The following NFIX variants were observed in gnomAD, a reference collection of about 807,000 sequenced individuals.
NFIX encodes nuclear factor 1 X-type.
NFIX carries 2 observed loss-of-function variants against 53.3 expected under a neutral mutation model. The observed-to-expected ratio is 0.04, with a 90% CI of 0.02 to 0.12. NFIX has a LOEUF of 0.12. Among genes scored for constraint, NFIX ranks in the 10% least tolerant of loss-of-function variants. The pLI, the probability that NFIX is intolerant of heterozygous loss-of-function variation, is 1.00. For synonymous variants in NFIX, 244 were observed against 289.0 expected, an observed-to-expected ratio of 0.84 and a Z score of 1.58; for missense variants, 310 against 674.5, an observed-to-expected ratio of 0.46 and a Z score of 5.99.
Position 13,081,605 on chromosome 19 carries a change from C to T in NFIX, c.1079-75C>T. The T allele has an allele frequency of 8.7e-6, 13 of 1,490,868 alleles. No homozygotes were observed. The highest frequency in any genetic ancestry group is 1.2e-5 in the Non-Finnish European group (13 of 1,101,356). The allele number at this position is 1,490,868 out of a possible 1,614,324, so 92.4% of individuals were successfully genotyped here. A position where few individuals can be genotyped will look rare whatever the true frequency, so the allele number is the denominator to read the frequency against. ...CTCAGGACCCTCTGACCGGCAGCTC[C>T]CCTCCTCTCCTGTCCCTCCCACTGG... On this transcript the variant is annotated intron_variant, in intron 7 of 10. Coordinates refer to ENST00000592199, the MANE Select transcript of NFIX (RefSeq NM_001365902.3). The surrounding 1 kb of genome is among the most constrained non-coding windows in gnomAD (Gnocchi z 4.7).
chr19:13,059,350 G>GC (rs2015913313), intron 2 of NFIX, among the ~76,000 whole-genome samples: 1 of 152,108 alleles, frequency 6.6e-6, no homozygotes. Context: ...CTAGGCCAGA[G>GC]CCCCCCAGCA....
rs963960649 is a variant in NFIX at position 12,996,672 on chromosome 19, C to A, written c.27+808C>A. On this transcript the variant is annotated intron_variant, in intron 1 of 10. Transcript: ENST00000592199. The surrounding 1 kb of genome is among the most constrained non-coding windows in gnomAD (Gnocchi z 5.2). Reference sequence around the variant, plus strand: ...GCTGCTGCGGAGTGGACCCGGCAGGCCTGGGGAATCCCGTCCCGTCGCCTG... The same window carrying A: ...GCTGCTGCGGAGTGGACCCGGCAGGACTGGGGAATCCCGTCCCGTCGCCTG... 6.6e-6 allele frequency among the ~76,000 whole-genome samples: 1 copy of A among 152,204 alleles called. No individual in the cohort carries two copies. Among genetic ancestry groups the A allele is most frequent in the African/African-American group, 2.4e-5 (1 of 41,458 alleles).
intron 5 of NFIX, 70 bp from the exon 6 acceptor site, chr19:13,075,465 C>G (rs2017038155): frequency 6.4e-7 from 1 of 1,560,558 alleles, no homozygotes; most frequent in South Asian, 1.2e-5. Flanking sequence ...GTTCTTTAGC[C>G]TGGACTCTTG....
chr19:13,055,675 C>T (rs2015630556), intron 2 of NFIX, among the ~76,000 whole-genome samples: 1 of 152,170 alleles, frequency 6.6e-6, no homozygotes, highest in African/African-American at 2.4e-5. Flanking sequence ...CGCCCCGGGC[C>T]TAGCTGAGGA....
Position 13,068,978 on chromosome 19 carries a change from C to T in NFIX, c.560-4069C>T, listed in dbSNP as rs1261677800. ...GAAACCAGGGACCCCGAATGCCAGC[C>T]TGGCCAAGGCACCTGTCGGACACAG... On this transcript the variant is annotated intron_variant, in intron 2 of 10. Coordinates refer to ENST00000592199, the MANE Select transcript of NFIX (RefSeq NM_001365902.3). This position sits in a 1 kb window ranked among gnomAD's most constrained non-coding sequence, Gnocchi z 4.2. Among the ~76,000 whole-genome samples the T allele has an allele frequency of 6.6e-6, 1 of 152,246 alleles. No individual in the cohort carries two copies. Among genetic ancestry groups the T allele is most frequent in the East Asian group, 1.9e-4 (1 of 5,200 alleles).
chr19:13,019,738 T>G (rs754538071), intron 1 of NFIX, among the ~76,000 whole-genome samples: 4,074 of 151,068 alleles, frequency 0.027, 71 homozygotes, highest in Middle Eastern at 0.079. Flanking sequence ...TTTGTTTTTT[T>G]TTTTTTTTTA....
Position 13,022,831 on chromosome 19 carries a change from T to A in NFIX, c.28-2190T>A, listed in dbSNP as rs1304492760. On this transcript the variant is annotated intron_variant, in intron 1 of 10. Coordinates refer to ENST00000592199, the MANE Select transcript of NFIX (RefSeq NM_001365902.3). The surrounding 1 kb of genome is among the most constrained non-coding windows in gnomAD (Gnocchi z 4.5). Reference sequence around the variant, plus strand: ...CCAATGCCCCACCCCACCCCCAGATTTGCTGGGTGGCTGCTGCCAAATGGA... The same window carrying A: ...CCAATGCCCCACCCCACCCCCAGATATGCTGGGTGGCTGCTGCCAAATGGA... Among the ~76,000 whole-genome samples, 1 of 151,868 alleles carries A rather than the reference T, an allele frequency of 6.6e-6. No individual in the cohort carries two copies. Among genetic ancestry groups the A allele is most frequent in the Non-Finnish European group, 1.5e-5 (1 of 67,952 alleles).
intron 2 of NFIX, among the ~76,000 whole-genome samples, chr19:13,047,867 G>A (rs2015087758): frequency 6.6e-6 from 1 of 152,110 alleles, no homozygotes. Context: ...GCAGCATTCC[G>A]GCCCGGTTAA....
intron 2 of NFIX, among the ~76,000 whole-genome samples, chr19:13,063,561 G>C (rs1037788684): frequency 4.6e-5 from 7 of 151,704 alleles, no homozygotes; most frequent in African/African-American, 1.7e-4. Context: ...GCCTCTCTCA[G>C]AATCTTGTAC....
chr19:13,098,178 C>G lies in NFIX; in HGVS notation c.*3529C>G, dbSNP rs2018578585. On this transcript the variant is annotated 3_prime_UTR_variant, in exon 11 of 11. Coordinates refer to ENST00000592199, the MANE Select transcript of NFIX (RefSeq NM_001365902.3). ...ACCGTGCTGAACAGACCCCCCCACA[C>G]GAGAGAAAATAAAGGAGCAATAAAG... 1 of 151,490 alleles carries G rather than the reference C, an allele frequency of 6.6e-6. No homozygotes were observed. The highest frequency in any genetic ancestry group is 2.4e-5 in the African/African-American group (1 of 41,178). The allele number at this position is 151,490 out of a possible 1,614,324, so 9.4% of individuals were successfully genotyped here.
At chr19:13,007,729 C>T (rs761771766) in intron 1 of NFIX, among the ~76,000 whole-genome samples, 41 of 152,164 alleles carry the variant, frequency 2.7e-4, no homozygotes, top group Admixed American at 1.1e-3. Context: ...ACCCGCTGCC[C>T]GCGCCTCTCT....
Position 13,090,666 on chromosome 19 carries a change from G to C in NFIX, c.1494+276G>C, listed in dbSNP as rs907918933. 1.3e-5 allele frequency among the ~76,000 whole-genome samples: 2 copies of C among 152,216 alleles called. No individual in the cohort carries two copies. The highest frequency in any genetic ancestry group is 4.8e-5 in the African/African-American group (2 of 41,456). On this transcript the variant is annotated intron_variant, in intron 10 of 10. Transcript: ENST00000592199. The surrounding 1 kb of genome is among the most constrained non-coding windows in gnomAD (Gnocchi z 6.6). Reference sequence around the variant, plus strand: ...AAGGACCCAAGTCTAGAGGCCCTCTGGGCCAGGCCTGGTAGAAGCAAAGAT... The same window carrying C: ...AAGGACCCAAGTCTAGAGGCCCTCTCGGCCAGGCCTGGTAGAAGCAAAGAT...
chr19:13,048,471 CCTCT>C (rs2015129285), intron 2 of NFIX, among the ~76,000 whole-genome samples: 1 of 151,410 alleles, frequency 6.6e-6, no homozygotes, highest in African/African-American at 2.5e-5. Flanking sequence ...AGTGTCTTCT[CCTCT>C]CTGTTGTATT....
chr19:13,007,847 A>G (rs1485915014), intron 1 of NFIX, among the ~76,000 whole-genome samples: 1 of 152,218 alleles, frequency 6.6e-6, no homozygotes, highest in Non-Finnish European at 1.5e-5. Context: ...CGAGGCTGCA[A>G]GTATCAAAGA....
intron 1 of NFIX, among the ~76,000 whole-genome samples, chr19:13,010,705 A>G (rs1044842590): frequency 1.3e-5 from 2 of 152,206 alleles, no homozygotes; most frequent in African/African-American, 4.8e-5. Flanking sequence ...TCTGGTGCCC[A>G]CACACATGGC....
chr19:13,044,731 C>T (rs1337343734), intron 2 of NFIX, among the ~76,000 whole-genome samples: 1 of 152,156 alleles, frequency 6.6e-6, no homozygotes, highest in Non-Finnish European at 1.5e-5. Context: ...TGTGAACCTG[C>T]CTCGCTATTA....
At chr19:13,023,825 G>T (rs1283504901) in intron 1 of NFIX, 3 of 147,578 alleles carry the variant, frequency 2.0e-5, no homozygotes, top group African/African-American at 7.5e-5. Flanking sequence ...ATGGAGCATG[G>T]GGGGGGGGAG....
Position 12,998,864 on chromosome 19 carries a change from CTT to C in NFIX, c.27+3002_27+3003del, listed in dbSNP as rs2011566633. On this transcript the variant is annotated intron_variant, in intron 1 of 10. Transcript: ENST00000592199. This position sits in a 1 kb window ranked among gnomAD's most constrained non-coding sequence, Gnocchi z 4.4. ...TAGGCTTAGCGACACAGCAGTACCT[CTT>C]TGACGCACGTATGGACACAGGAAAC... Among the ~76,000 whole-genome samples the C allele has an allele frequency of 6.6e-6, 1 of 152,160 alleles. No individual in the cohort carries two copies. The highest frequency in any genetic ancestry group is 1.5e-5 in the Non-Finnish European group (1 of 68,046).
Position 13,012,875 on chromosome 19 carries a change from C to T in NFIX, c.28-12146C>T, listed in dbSNP as rs2012440128. Among the ~76,000 whole-genome samples the T allele has an allele frequency of 6.6e-6, 1 of 152,088 alleles. No homozygotes were observed. Among genetic ancestry groups the T allele is most frequent in the Admixed American group, 6.5e-5 (1 of 15,274 alleles). On this transcript the variant is annotated intron_variant, in intron 1 of 10. Transcript: ENST00000592199. The surrounding 1 kb of genome is among the most constrained non-coding windows in gnomAD (Gnocchi z 5.0). ...TCCGAGGAGCCTCACCTTCAATCCC[C>T]GAGCCTTCTCTTTTGGGGGAGTAAA...
Sources: allele counts gnomAD v4.1 joint callset (sites outside exome capture counted in the v4.1 genomes callset), GRCh38; gene constraint gnomAD v4.1.1; non-coding constraint Gnocchi (gnomAD v3.1); transcripts MANE v1.5; gene names NCBI Gene and HGNC (gene_info 2026-07-23, HGNC 2026-07-21).